The following ATP13A4 variants were observed in gnomAD, a reference collection of about 807,000 sequenced individuals.
ATP13A4 encodes the protein probable cation-transporting ATPase 13A4.
Under a neutral mutation model 142.5 loss-of-function variants are expected in ATP13A4, and 114 were observed. That is an observed-to-expected ratio of 0.80 (90% CI 0.69 to 0.93). ATP13A4 has a LOEUF of 0.93. Among genes scored for constraint, ATP13A4 ranks in the 40% least tolerant of loss-of-function variants. ATP13A4 has a pLI of 0.00. For synonymous variants in ATP13A4, 488 were observed against 514.8 expected, an observed-to-expected ratio of 0.95 and a Z score of 0.70; for missense variants, 1,392 against 1,454.0, an observed-to-expected ratio of 0.96 and a Z score of 0.69.
At position 193,425,562 on chromosome 3, in the gene ATP13A4, A is replaced by G. The variant is rs529168001; in HGVS notation, c.2842+8283T>C. 1.3e-4 allele frequency among the ~76,000 whole-genome samples: 20 copies of G among 151,954 alleles called. No homozygotes were observed. In the South Asian group the frequency reaches 4.1e-3, roughly 31 times the overall value. On this transcript the variant is annotated intron_variant, in intron 25 of 29. Transcript: ENST00000342695. ...AGGAAATCTTGTTGATTGCAACAAC[A>G]TAGATGAAGCTTGAGGACACTGTGC...
In ATP13A4 at chr3:193,402,750, G is replaced by A. The variant is rs543538664; in HGVS notation, c.3493C>T (p.Pro1165Ser). Residue 1165 changes from proline (P) to serine (S), a missense_variant, in exon 30 of 30, where the codon CCC becomes TCC. Physicochemically the swap from Pro to Ser is moderately conservative, Grantham distance 74. Coordinates refer to ENST00000342695, the MANE Select transcript of ATP13A4 (RefSeq NM_032279.4). ...QRDLANDPSW[P>S]PLNQTSHSDM... ...GAGTGGGAGGTTTGGTTTAGCGGGG[G>A]CCAACTAGGGTCATTTGCCAAGTCC... The A allele has an allele frequency of 2.5e-6, 4 of 1,610,736 alleles. No individual in the cohort carries two copies. Among genetic ancestry groups the A allele is most frequent in the South Asian group, 2.2e-5 (2 of 91,018 alleles).
In ATP13A4 at chr3:193,502,591, A is replaced by G. The variant is rs1720613189; in HGVS notation, c.283T>C (p.Ser95Pro). 1.2e-6 allele frequency: 2 copies of G among 1,613,810 alleles called. 1 individual carries two copies. Among genetic ancestry groups the G allele is most frequent in the South Asian group, 2.2e-5 (2 of 91,086 alleles). The part of the protein sequence containing the change: ...SWKKVIWIYL[S>P]ALNSAFGLTP... ...AGACCAAATGCGCTGTTTAATGCTG[A>G]CAGGTAGATCCATATTACCTTTTTC... The change falls in exon 3 of 30, where the codon TCA becomes CCA. Residue 95 changes from serine to proline, a missense_variant. Transcript: ENST00000342695.
At chr3:193,465,897 T>C (rs555904778) in intron 11 of ATP13A4, 128 bp downstream of exon 11, 4 of 1,072,662 alleles carry the variant, frequency 3.7e-6, no homozygotes, top group Admixed American at 3.7e-5. Flanking sequence ...AGTCTATACG[T>C]AGGCATCAGT....
At chr3:193,550,473 A>T (rs1723490268) in intron 1 of ATP13A4, among the ~76,000 whole-genome samples, 1 of 151,818 alleles carries the variant, frequency 6.6e-6, no homozygotes, top group South Asian at 2.1e-4. Flanking sequence ...CATCCAGATA[A>T]TTTTTTTGTA....
At chr3:193,513,616 G>T (rs113228537) in intron 2 of ATP13A4, among the ~76,000 whole-genome samples, 2 of 152,320 alleles carry the variant, frequency 1.3e-5, no homozygotes, top group African/African-American at 2.4e-5. Flanking sequence ...TGACAGTCCC[G>T]CAGGGATGAT....
intron 2 of ATP13A4, among the ~76,000 whole-genome samples, chr3:193,565,420 T>A (rs1474782971): frequency 6.6e-6 from 1 of 152,206 alleles, no homozygotes; most frequent in East Asian, 1.9e-4. Flanking sequence ...TAGTTTAATA[T>A]AAGGCTACTG....
intron 3 of ATP13A4, among the ~76,000 whole-genome samples, chr3:193,498,626 T>C (rs1031395977): frequency 2.0e-5 from 3 of 152,224 alleles, no homozygotes; most frequent in African/African-American, 7.2e-5. Flanking sequence ...TCTGATTTAA[T>C]TTGTCTGCAG....
At chr3:193,556,740 A>T (rs959101418), upstream of ATP13A4, among the ~76,000 whole-genome samples, 3 of 152,200 alleles carry the variant, frequency 2.0e-5, no homozygotes, top group Admixed American at 6.5e-5. Context: ...AATGTGAATT[A>T]TATCTCAATG....
chr3:193,419,201 G>A (rs62285693), intron 25 of ATP13A4, among the ~76,000 whole-genome samples: 11,408 of 149,660 alleles, frequency 0.076, 1,019 homozygotes, highest in South Asian at 0.17. Flanking sequence ...TGCCCCTAGG[G>A]ACCTGAGTTG....
At chr3:193,526,440 T>G (rs922382868) in intron 1 of ATP13A4, among the ~76,000 whole-genome samples, 2 of 151,920 alleles carry the variant, frequency 1.3e-5, no homozygotes, top group African/African-American at 4.8e-5. Flanking sequence ...ACAACACACG[T>G]TGGGGCCTGT....
At chr3:193,428,098 A>C (rs534684851) in intron 25 of ATP13A4, among the ~76,000 whole-genome samples, 58 of 152,088 alleles carry the variant, frequency 3.8e-4, no homozygotes, top group African/African-American at 1.4e-3. Context: ...TTACAAGAAA[A>C]AAACAAACAA....
intron 24 of ATP13A4, among the ~76,000 whole-genome samples, chr3:193,434,751 T>A (rs374396712): frequency 6.6e-6 from 1 of 152,192 alleles, no homozygotes; most frequent in Non-Finnish European, 1.5e-5. Flanking sequence ...TAATCTCACA[T>A]GTTGAGTTCA....
At chr3:193,445,742 C>A (rs1716914745) in intron 18 of ATP13A4, among the ~76,000 whole-genome samples, 1 of 151,900 alleles carries the variant, frequency 6.6e-6, no homozygotes, top group Non-Finnish European at 1.5e-5. Context: ...GGTGACAGAG[C>A]AAGACTCTAT....
At chr3:193,591,007 G>C (rs1260947887) in intron 1 of ATP13A4, among the ~76,000 whole-genome samples, 1 of 152,160 alleles carries the variant, frequency 6.6e-6, no homozygotes, top group Non-Finnish European at 1.5e-5. Context: ...ATATTTTTAT[G>C]TGATTTTTTA....
At chr3:193,479,242 A>C (rs1169934258) in intron 8 of ATP13A4, among the ~76,000 whole-genome samples, 1 of 152,156 alleles carries the variant, frequency 6.6e-6, no homozygotes, top group South Asian at 2.1e-4. Flanking sequence ...ACTTCTATTC[A>C]ACATAATATT....
rs1218995349 is a variant in ATP13A4 at position 193,441,307 on chromosome 3, CAAT to C, written c.2439+156_2439+158del. ...ATTTCAAATCTAGTAGGAAATGAGA[CAAT>C]AGTATCTTCTGCAAAAATATCTGTC... On this transcript the variant is annotated intron_variant, in intron 20 of 29. Coordinates refer to ENST00000342695, the MANE Select transcript of ATP13A4 (RefSeq NM_032279.4). Among the ~76,000 whole-genome samples, 7 of 152,134 alleles carry C rather than the reference CAAT, an allele frequency of 4.6e-5. No individual in the cohort carries two copies. In the East Asian group the frequency reaches 1.2e-3, roughly 25 times the overall value.
At chr3:193,525,243 G>A (rs1397779216) in intron 1 of ATP13A4, among the ~76,000 whole-genome samples, 1 of 152,156 alleles carries the variant, frequency 6.6e-6, no homozygotes, top group Admixed American at 6.6e-5. Context: ...CCTGATAAAT[G>A]TTTAGCAAAC....
intron 2 of ATP13A4, among the ~76,000 whole-genome samples, chr3:193,568,386 T>TA (rs1724188340): frequency 6.6e-6 from 1 of 152,108 alleles, no homozygotes; most frequent in South Asian, 2.1e-4. Context: ...CTAATTGCAG[T>TA]AAAAAACAGA....
At chr3:193,509,625 T>C (rs1474914761) in intron 2 of ATP13A4, among the ~76,000 whole-genome samples, 1 of 152,206 alleles carries the variant, frequency 6.6e-6, no homozygotes, top group Non-Finnish European at 1.5e-5. Context: ...GTAAAGTGAA[T>C]AGTATTTTAA....
Sources: gnomAD v4.1 joint callset for allele counts (sites outside exome capture counted in the v4.1 genomes callset) on GRCh38, gnomAD v4.1.1 for gene constraint, MANE v1.5 for transcripts, NCBI Gene and HGNC (gene_info 2026-07-23, HGNC 2026-07-21) for gene names.